Variants in PSMC6 observed in about 807,000 individuals in gnomAD.
The protein encoded by PSMC6 is proteasome 26S subunit, ATPase 6.
Under a neutral mutation model 55.9 loss-of-function variants are expected in PSMC6, and 3 were observed. The ratio of observed to expected loss-of-function variants is 0.05; its 90% CI spans 0.02 to 0.14. The LOEUF is 0.14. Ranked by LOEUF, PSMC6 falls within the 10% of genes least tolerant of loss-of-function variation. The pLI is 1.00. For missense variants in PSMC6, 210 were observed against 478.7 expected (o/e 0.44, Z 5.24); for synonymous variants, 137 against 155.9 (o/e 0.88, Z 0.90).
At chr14:52,709,776 G>A (rs2041746734) in intron 4 of PSMC6, 5 of 232,126 alleles carry the variant, frequency 2.2e-5, no homozygotes, top group Non-Finnish European at 4.4e-5. Context: ...TGTTGTACTG[G>A]TTGAGCATCC....
At chr14:52,710,931 T>G in intron 4 of PSMC6, 170 bp from the exon 5 acceptor site, 11 of 597,776 alleles carry the variant, frequency 1.8e-5, no homozygotes, top group South Asian at 5.3e-5. Flanking sequence ...GGAAATCACT[T>G]TGAATTACTT....
chr14:52,714,082 C>T (rs1055882892), intron 7 of PSMC6, 114 bp downstream of exon 7: 2 of 680,070 alleles, frequency 2.9e-6, no homozygotes, highest in Non-Finnish European at 4.6e-6. Flanking sequence ...ACTCTGTTGC[C>T]CAGGCTGTAG....
chr14:52,712,236 T>C (rs2041780854), intron 6 of PSMC6, among the ~76,000 whole-genome samples: 1 of 152,146 alleles, frequency 6.6e-6, no homozygotes. Flanking sequence ...GGAACACTTA[T>C]TAAAAATACA....
At position 52,717,286 on chromosome 14, in the gene PSMC6, C is replaced by G. The variant is rs145775525; in HGVS notation, c.530-795C>G. On this transcript the variant is annotated intron_variant, in intron 7 of 13. Transcript: ENST00000445930. The stretch of plus-strand genomic sequence containing the variant: ...TTAAAATAGATTTTAAAAATTATAA[C>G]ATTTTGATTAAAATTTTAATGTTGA... Among the ~76,000 whole-genome samples, 312 of 149,070 alleles carry G rather than the reference C, an allele frequency of 2.1e-3. 1 individual carries two copies. The highest frequency in any genetic ancestry group is 7.5e-3 in the African/African-American group (305 of 40,530).
chr14:52,715,396 A>G (rs967903099), intron 7 of PSMC6, among the ~76,000 whole-genome samples: 41 of 152,236 alleles, frequency 2.7e-4, no homozygotes, highest in Non-Finnish European at 5.9e-5. Flanking sequence ...TGCTGTGATT[A>G]TCAGACTGGT....
rs1566659511 is a variant in PSMC6, at chr14:52,718,061, ACTT to A, written c.530-16_530-14del. On this transcript the variant is annotated splice_polypyrimidine_tract_variant and intron_variant, in intron 7 of 13. Coordinates refer to ENST00000445930, the MANE Select transcript of PSMC6 (RefSeq NM_002806.5). ...TTTTCTACCTTACCATCTAATTAAG[ACTT>A]CTTTTGTCATTCTTAGGTACGGGAA... The A allele has an allele frequency of 6.2e-7, 1 of 1,610,266 alleles. No individual in the cohort carries two copies. The highest frequency in any genetic ancestry group is 8.5e-7 in the Non-Finnish European group (1 of 1,178,546).
At chr14:52,714,014 A>G (rs544670971) in intron 7 of PSMC6, 46 bp downstream of exon 7, 1 of 1,170,778 alleles carries the variant, frequency 8.5e-7, no homozygotes, top group African/African-American at 1.6e-5. Flanking sequence ...TAAATGAATT[A>G]AGGAATTAAA....
At chr14:52,708,566 CCT>C (rs771072263) in intron 3 of PSMC6, 44 bp downstream of exon 3, 3 of 1,581,670 alleles carry the variant, frequency 1.9e-6, no homozygotes, top group African/African-American at 1.4e-5. Context: ...AAACAGTCCA[CCT>C]CTCTCTCACT....
chr14:52,720,769 A>G (rs999701927), intron 10 of PSMC6, 92 bp from the exon 11 acceptor site: 1 of 1,010,440 alleles, frequency 9.9e-7, no homozygotes, highest in Non-Finnish European at 1.4e-6. Flanking sequence ...ATCTGTAGAC[A>G]ATACATTTCA....
At chr14:52,723,836 A>C in intron 12 of PSMC6, 129 bp from the exon 13 acceptor site, 4 of 1,441,158 alleles carry the variant, frequency 2.8e-6, no homozygotes, top group Non-Finnish European at 3.6e-6. Flanking sequence ...AATATTGTGG[A>C]AAGTTAACAG....
intron 13 of PSMC6, among the ~76,000 whole-genome samples, chr14:52,726,532 A>G (rs1440312855): frequency 3.9e-5 from 6 of 152,182 alleles, no homozygotes; most frequent in Non-Finnish European, 7.3e-5. Context: ...CTGTCAAGTT[A>G]AGTTACGCTT....
chr14:52,715,604 T>TTTTTC (rs948795724), intron 7 of PSMC6, among the ~76,000 whole-genome samples: 2 of 151,316 alleles, frequency 1.3e-5, no homozygotes, highest in African/African-American at 2.4e-5. Context: ...GCTTTTTCTT[T>TTTTTC]TTTTCTTTTC....
chr14:52,716,851 C>G (rs1164452122), intron 7 of PSMC6, among the ~76,000 whole-genome samples: 1 of 152,184 alleles, frequency 6.6e-6, no homozygotes, highest in Non-Finnish European at 1.5e-5. Context: ...ATGGATGAAT[C>G]TAGAGGATGT....
chr14:52,727,593 T>G lies in PSMC6; in HGVS notation c.1146T>G (p.Ser382=), dbSNP rs1317822892. Residue 382 remains serine (S), a synonymous_variant, in exon 14 of 14, where the codon TCT becomes TCG. Transcript: ENST00000445930. ...TGGCTGATTCTAAGAAGCTGGAGTC[T>G]AAATTGGACTACAAACCTGTGTAAT... is the stretch of plus-strand genomic sequence containing the variant. ...RKVADSKKLE[S]KLDYKPV is the part of the protein sequence containing the mutation. The G allele has an allele frequency of 1.6e-5, 26 of 1,610,654 alleles. 1 individual carries two copies. In the Admixed American group the frequency reaches 4.0e-4, roughly 25 times the overall value.
At chr14:52,725,666 C>T (rs1390315496) in intron 13 of PSMC6, among the ~76,000 whole-genome samples, 1 of 152,194 alleles carries the variant, frequency 6.6e-6, no homozygotes, top group Non-Finnish European at 1.5e-5. Flanking sequence ...TAGGCGTGCG[C>T]CACCACACCC....
intron 1 of PSMC6, 151 bp downstream of exon 1, chr14:52,707,455 C>T: frequency 9.6e-7 from 1 of 1,041,044 alleles, no homozygotes; most frequent in Non-Finnish European, 1.4e-6. Context: ...CGGCCCTGAG[C>T]TTGTGGAGCA....
At chr14:52,714,667 G>C (rs2041810520) in intron 7 of PSMC6, among the ~76,000 whole-genome samples, 1 of 151,966 alleles carries the variant, frequency 6.6e-6, no homozygotes, top group Admixed American at 6.6e-5. Context: ...TTTGAGAGCA[G>C]CCTGGCCAAC....
Position 52,720,367 on chromosome 14 carries a change from C to CAAAAAA in PSMC6, c.778-469_778-464dup, listed in dbSNP as rs71444775. On this transcript the variant is annotated intron_variant, in intron 10 of 13. Coordinates refer to ENST00000445930, the MANE Select transcript of PSMC6 (RefSeq NM_002806.5). ...TGGGTGACAGAGTGAAACTCTGTCTCAAAAAAAAAAAAAAAAAAAAAAAAA... is the reference window on the plus strand; with the variant it reads ...TGGGTGACAGAGTGAAACTCTGTCTCAAAAAAAAAAAAAAAAAAAAAAAAAAAAAAA... Among the ~76,000 whole-genome samples the CAAAAAA allele has an allele frequency of 8.0e-3, 333 of 41,476 alleles. 50 individuals carry two copies. Among genetic ancestry groups the CAAAAAA allele is most frequent in the African/African-American group, 0.012 (130 of 11,252 alleles). 27.2% of individuals were successfully genotyped at this position (41,476 alleles called of 152,430 possible).
In PSMC6 at chr14:52,718,058, A is replaced by T. The variant is rs370480651; in HGVS notation, c.530-23A>T. On this transcript the variant is annotated intron_variant, in intron 7 of 13. Transcript: ENST00000445930. ...TTTTTTTCTACCTTACCATCTAATTAAGACTTCTTTTGTCATTCTTAGGTA... is the reference window on the plus strand; with the variant it reads ...TTTTTTTCTACCTTACCATCTAATTTAGACTTCTTTTGTCATTCTTAGGTA... 17 of 1,609,610 alleles carry T rather than the reference A, an allele frequency of 1.1e-5. No homozygotes were observed. The African/African-American group carries it at 2.3e-4, about 22-fold the overall frequency.
Sources: allele counts gnomAD v4.1 joint callset (sites outside exome capture counted in the v4.1 genomes callset), GRCh38; gene constraint gnomAD v4.1.1; transcripts MANE v1.5; gene names NCBI Gene and HGNC (gene_info 2026-07-23, HGNC 2026-07-21).